DHRS7C: variants seen among roughly 807,000 people sequenced by gnomAD.
DHRS7C encodes dehydrogenase/reductase SDR family member 7C.
In DHRS7C, 28 loss-of-function variants were observed where a neutral mutation model predicts 29.6. The observed-to-expected ratio is 0.95, with a 90% CI of 0.70 to 1.30. The LOEUF (loss-of-function observed/expected upper bound fraction) is 1.30, where lower values mean the gene tolerates loss of function less well. Among genes scored for constraint, DHRS7C ranks in the 50% most tolerant of loss-of-function variants. The probability of loss-of-function intolerance (pLI) is 0.00; values close to 1 mark genes in which losing one functional copy is unlikely to be tolerated. For missense variants in DHRS7C, 403 were observed against 393.3 expected, an observed-to-expected ratio of 1.02 and a Z score of -0.21; for synonymous variants, 158 against 160.2, an observed-to-expected ratio of 0.99 and a Z score of 0.10.
At position 9,775,344 on chromosome 17, in the gene DHRS7C, G is replaced by A. The variant is rs954524310; in HGVS notation, c.571+1849C>T. 1.3e-5 allele frequency among the ~76,000 whole-genome samples: 2 copies of A among 152,214 alleles called. No individual in the cohort carries two copies. The highest frequency in any genetic ancestry group is 2.9e-5 in the Non-Finnish European group (2 of 68,038). ...TGCCCTTCTTCCTGGGCCCCCAGGTGGACTGCACTTCCCAGCGTCCCTTGC... is the reference window on the plus strand; with the variant it reads ...TGCCCTTCTTCCTGGGCCCCCAGGTAGACTGCACTTCCCAGCGTCCCTTGC... On this transcript the variant is annotated intron_variant, in intron 4 of 5. Transcript: ENST00000571134. This position sits in a 1 kb window ranked among gnomAD's most constrained non-coding sequence, Gnocchi z 4.2.
intron 1 of DHRS7C, among the ~76,000 whole-genome samples, chr17:9,785,582 GGAGTA>G (rs1418403132): frequency 6.6e-6 from 1 of 152,190 alleles, no homozygotes; most frequent in African/African-American, 2.4e-5. Context: ...GGGTTGGTGG[GGAGTA>G]GACTGCCCGG....
At chr17:9,777,373 T>A in intron 3 of DHRS7C, 88 bp from the exon 4 acceptor site, 2 of 1,029,868 alleles carry the variant, frequency 1.9e-6, no homozygotes, top group Non-Finnish European at 2.9e-6. Context: ...GGTACCCTCA[T>A]CACAGGGCTC....
chr17:9,772,906 G>C lies in DHRS7C; in HGVS notation c.588C>G (p.His196Gln). ...PFRTTYAASK[H>Q]AALGFFDCLR... ...GGCAGTCAAAGAAGCCCAGGGCTGCGTGCTTGGAGGCAGCGTCTGCGAGAC... is the reference window on the plus strand; with the variant it reads ...GGCAGTCAAAGAAGCCCAGGGCTGCCTGCTTGGAGGCAGCGTCTGCGAGAC... Residue 196 changes from histidine to glutamine, a missense_variant, in exon 5 of 6, where the codon CAC (histidine) becomes CAG (glutamine). Transcript: ENST00000571134. The C allele has an allele frequency of 6.2e-7, 1 of 1,613,728 alleles. No homozygotes were observed. The highest frequency in any genetic ancestry group is 8.5e-7 in the Non-Finnish European group (1 of 1,179,866).
intron 4 of DHRS7C, among the ~76,000 whole-genome samples, chr17:9,773,719 CTTTTT>C (rs757682123): frequency 2.6e-4 from 22 of 86,006 alleles, no homozygotes; most frequent in African/African-American, 1.2e-3. Flanking sequence ...GCAATGAGGC[CTTTTT>C]TTTTTTTTTT....
Position 9,771,589 on chromosome 17 carries a change from G to A in DHRS7C, c.835C>T (p.Pro279Ser), listed in dbSNP as rs763788803. The change falls in exon 6 of 6, where the codon CCC becomes TCC. Residue 279 changes from proline (P) to serine (S), a missense_variant. Pro to Ser is a moderately conservative substitution (Grantham distance 74). Coordinates refer to ENST00000571134, the MANE Select transcript of DHRS7C (RefSeq NM_001105571.3). The part of the protein sequence containing the change: ...KQEVFMANPI[P>S]KAAVYVRTFF... ...GTGCGGACGTACACGGCGGCCTTGG[G>A]GATGGGGTTGGCCATAAACACCTCT... 2 of 1,598,196 alleles carry A rather than the reference G, an allele frequency of 1.3e-6. No homozygotes were observed. Among genetic ancestry groups the A allele is most frequent in the Admixed American group, 3.4e-5 (2 of 58,222 alleles).
Position 9,771,547 on chromosome 17 carries a change from A to G in DHRS7C, c.877T>C (p.Phe293Leu). ...ACCCCACAGGCCACCACGGCGAAAAAGAACTCCGGGAAGAAGGTGCGGACG... is the reference window on the plus strand; with the variant it reads ...ACCCCACAGGCCACCACGGCGAAAAGGAACTCCGGGAAGAAGGTGCGGACG... ...VYVRTFFPEF[F>L]FAVVACGVKE... Residue 293 changes from phenylalanine to leucine, a missense_variant, in exon 6 of 6, where the codon TTT (phenylalanine) becomes CTT (leucine). Physicochemically the swap from Phe to Leu is conservative, Grantham distance 22. Coordinates refer to ENST00000571134, the MANE Select transcript of DHRS7C (RefSeq NM_001105571.3). 1 of 1,587,674 alleles carries G rather than the reference A, an allele frequency of 6.3e-7. No individual in the cohort carries two copies. Among genetic ancestry groups the G allele is most frequent in the South Asian group, 1.1e-5 (1 of 87,410 alleles).
intron 2 of DHRS7C, 46 bp from the exon 3 acceptor site, chr17:9,780,081 C>G (rs778864610): frequency 3.2e-6 from 5 of 1,572,140 alleles, no homozygotes; most frequent in Non-Finnish European, 4.3e-6. Flanking sequence ...GATCTCCTCC[C>G]TCTTGCAGAC....
chr17:9,790,316 TA>T (rs2066447746), intron 1 of DHRS7C, among the ~76,000 whole-genome samples: 1 of 152,228 alleles, frequency 6.6e-6, no homozygotes, highest in African/African-American at 2.4e-5. Flanking sequence ...ACTAACTATG[TA>T]ACATATAAAG....
At chr17:9,779,113 T>A (rs2066379065) in intron 3 of DHRS7C, among the ~76,000 whole-genome samples, 1 of 152,132 alleles carries the variant, frequency 6.6e-6, no homozygotes, top group Admixed American at 6.5e-5. Flanking sequence ...TTTCACCATG[T>A]TGGCCAGGCT....
chr17:9,779,678 G>T, intron 3 of DHRS7C, 147 bp downstream of exon 3: 2 of 746,276 alleles, frequency 2.7e-6, no homozygotes, highest in Non-Finnish European at 2.1e-6. Context: ...CAATGGGAAT[G>T]GTGAAAGCTT....
Position 9,774,193 on chromosome 17 carries a change from C to A in DHRS7C, c.572-1271G>T, listed in dbSNP as rs1255171704. Among the ~76,000 whole-genome samples, 4 of 152,122 alleles carry A rather than the reference C, an allele frequency of 2.6e-5. No individual in the cohort carries two copies. Among genetic ancestry groups the A allele is most frequent in the African/African-American group, 9.7e-5 (4 of 41,432 alleles). On this transcript the variant is annotated intron_variant, in intron 4 of 5. Coordinates refer to ENST00000571134, the MANE Select transcript of DHRS7C (RefSeq NM_001105571.3). The surrounding 1 kb of genome is among the most constrained non-coding windows in gnomAD (Gnocchi z 5.0). ...CTCTGGTGGGTGAGAAGCTGGGGAC[C>A]CAGAGGTGAATAGAAGTAGCTCTGG... is the stretch of plus-strand genomic sequence containing the variant.
At chr17:9,773,491 T>A (rs2066343401) in intron 4 of DHRS7C, among the ~76,000 whole-genome samples, 1 of 152,080 alleles carries the variant, frequency 6.6e-6, no homozygotes, top group Non-Finnish European at 1.5e-5. Context: ...TTCCAGGAGT[T>A]CCAAAAAGAA....
intron 1 of DHRS7C, among the ~76,000 whole-genome samples, chr17:9,783,227 C>T (rs948293470): frequency 5.3e-5 from 8 of 152,080 alleles, no homozygotes; most frequent in African/African-American, 1.7e-4. Context: ...GAGGGAAACC[C>T]GAATCCAGAA....
rs1166378953 is a variant in DHRS7C at position 9,791,294 on chromosome 17, G to A, written c.-10C>T. On this transcript the variant is annotated 5_prime_UTR_variant, in exon 1 of 6. Transcript: ENST00000571134. ...TGGCCATGACTCCCATCTTGTTCTG[G>A]GGGACAACGGAGTAAAAGGGGATTG... is the stretch of plus-strand genomic sequence containing the variant. 19 of 1,613,064 alleles carry A rather than the reference G, an allele frequency of 1.2e-5. No individual in the cohort carries two copies. Among genetic ancestry groups the A allele is most frequent in the Middle Eastern group, 1.6e-4 (1 of 6,080 alleles).
chr17:9,771,942 G>A (rs959865980), intron 5 of DHRS7C, among the ~76,000 whole-genome samples: 41 of 152,228 alleles, frequency 2.7e-4, no homozygotes, highest in Admixed American at 2.4e-3. Flanking sequence ...TTCGGAGGGC[G>A]GTTACGTGTG....
intron 1 of DHRS7C, among the ~76,000 whole-genome samples, chr17:9,782,592 G>C (rs577171387): frequency 3.3e-5 from 5 of 152,310 alleles, no homozygotes; most frequent in Admixed American, 6.5e-5. Context: ...GTAACTCCTA[G>C]GTAGGGCAGC....
chr17:9,771,578 G>A lies in DHRS7C; in HGVS notation c.846C>T (p.Ala282=), dbSNP rs767899814. 56 of 1,594,462 alleles carry A rather than the reference G, an allele frequency of 3.5e-5. 1 individual carries two copies. Among genetic ancestry groups the A allele is most frequent in the East Asian group, 3.5e-4 (15 of 43,306 alleles). Residue 282 remains alanine, a synonymous_variant, in exon 6 of 6, where the codon GCC becomes GCT. Coordinates refer to ENST00000571134, the MANE Select transcript of DHRS7C (RefSeq NM_001105571.3). The part of the protein sequence containing the change: ...VFMANPIPKA[A]VYVRTFFPEF... ...CCGGGAAGAAGGTGCGGACGTACAC[G>A]GCGGCCTTGGGGATGGGGTTGGCCA...
rs974487520 is a variant in DHRS7C at position 9,781,670 on chromosome 17, A to G, written c.155-76T>C. 2.8e-6 allele frequency: 4 copies of G among 1,449,576 alleles called. No homozygotes were observed. In the Admixed American group the frequency reaches 7.1e-5, roughly 26 times the overall value. The allele number at this position is 1,449,576 out of a possible 1,614,324, so 89.8% of individuals were successfully genotyped here. On this transcript the variant is annotated intron_variant, in intron 1 of 5. Coordinates refer to ENST00000571134, the MANE Select transcript of DHRS7C (RefSeq NM_001105571.3). ...TGACAGTGAACCCCCTCTCTTGGGA[A>G]CTCATGAATTCAAAAAACTCAGAAG...
At chr17:9,779,579 C>T (rs757657710) in intron 3 of DHRS7C, among the ~76,000 whole-genome samples, 18 of 152,072 alleles carry the variant, frequency 1.2e-4, no homozygotes, top group Non-Finnish European at 1.9e-4. Flanking sequence ...AAGGGCAAAG[C>T]TTGGGTGGGG....
Sources: gnomAD v4.1 joint callset for allele counts (sites outside exome capture counted in the v4.1 genomes callset) on GRCh38, gnomAD v4.1.1 for gene constraint, Gnocchi (gnomAD v3.1) non-coding constraint, MANE v1.5 for transcripts, NCBI Gene and HGNC (gene_info 2026-07-23, HGNC 2026-07-21) for gene names.